MAGEB2: variants seen among roughly 807,000 people sequenced by gnomAD.
MAGEB2 encodes the protein MAGE family member B2, also known as melanoma-associated antigen B2.
For missense variants in MAGEB2, 365 were observed against 243.2 expected, an observed-to-expected ratio of 1.50 and a Z score of -3.33; for synonymous variants, 107 against 96.2, an observed-to-expected ratio of 1.11 and a Z score of -0.66.
At chrX:30,215,936 CCTACCCTTAACAAAG>C (rs757436089) in intron 1 of MAGEB2, among the ~76,000 whole-genome samples, 144 of 111,367 alleles carry the variant, frequency 1.3e-3, no homozygotes, top group Middle Eastern at 4.6e-3. Flanking sequence ...GAGAACATCT[CCTACCCTTAACAAAG>C]GTGGCCTCAC....
intron 1 of MAGEB2, among the ~76,000 whole-genome samples, chrX:30,216,060 C>T (rs1013648795): frequency 4.0e-4 from 44 of 110,376 alleles, no homozygotes; most frequent in Non-Finnish European, 6.6e-4. Flanking sequence ...AGCAGCCCTG[C>T]TTCTGCTCAT....
Position 30,215,594 on chromosome X carries a change from G to C in MAGEB2, c.-67G>C, listed in dbSNP as rs1024219145. 2.7e-5 allele frequency: 3 copies of C among 110,984 alleles called. No homozygotes were observed. The highest frequency in any genetic ancestry group is 5.7e-5 in the Non-Finnish European group (3 of 52,934). 9.1% of individuals were successfully genotyped at this position (110,984 alleles called of 1,213,427 possible). A position where few individuals can be genotyped will look rare whatever the true frequency, so the allele number is the denominator to read the frequency against. ...GCTTTGGAGGCGAGGACCCGAGCGA[G>C]TGTAGGGGGTGCGGCGTCTGGTCAG... On this transcript the variant is annotated 5_prime_UTR_variant, in exon 1 of 2. Coordinates refer to ENST00000378988, the MANE Select transcript of MAGEB2 (RefSeq NM_002364.5).
In MAGEB2 at chrX:30,219,169, G is replaced by C. The variant is rs184471774; in HGVS notation, c.589G>C (p.Asp197His). The C allele has an allele frequency of 1.1e-5, 13 of 1,208,653 alleles. No individual in the cohort carries two copies. The Admixed American group carries it at 2.0e-4, about 18-fold the overall frequency. ...TGAGGAATCCCTGCTCAGTTCCTGG[G>C]ACTTTCCCAGGAGAAAGCTTCTGAT... ...TDEESLLSSW[D>H]FPRRKLLMPL... Residue 197 changes from aspartate (D) to histidine (H), a missense_variant, in exon 2 of 2, where the codon GAC becomes CAC. Physicochemically the swap from Asp to His is moderately conservative, Grantham distance 81 (BLOSUM62 -1). Coordinates refer to ENST00000378988, the MANE Select transcript of MAGEB2 (RefSeq NM_002364.5).
intron 1 of MAGEB2, among the ~76,000 whole-genome samples, chrX:30,216,514 A>G (rs1014174380): frequency 9.0e-6 from 1 of 111,426 alleles, no homozygotes; most frequent in African/African-American, 3.3e-5. Context: ...CAGACCAGGG[A>G]GACCTGAGCA....
In MAGEB2 at chrX:30,219,038, T is replaced by C; in HGVS notation, c.458T>C (p.Leu153Pro). 1 of 1,211,252 alleles carries C rather than the reference T, an allele frequency of 8.3e-7. No homozygotes were observed. The highest frequency in any genetic ancestry group is 2.2e-5 in the Admixed American group (1 of 46,037). The stretch of plus-strand genomic sequence containing the variant: ...TTCAGGGAGCACTTCCCTGAGATCC[T>C]CAAGAAAGCCTCTGAGGGCCTCAGT... ...KRFREHFPEI[L>P]KKASEGLSVV... Residue 153 changes from leucine (L) to proline (P), a missense_variant, in exon 2 of 2, where the codon CTC (leucine) becomes CCC (proline). By Grantham distance (98) the Leu-to-Pro change is moderately conservative (BLOSUM62 -3). Transcript: ENST00000378988.
At position 30,219,156 on chromosome X, in the gene MAGEB2, G is replaced by A. The variant is rs1165957200; in HGVS notation, c.576G>A (p.Leu192=). 4 of 1,210,790 alleles carry A rather than the reference G, an allele frequency of 3.3e-6. No individual in the cohort carries two copies. In the South Asian group the frequency reaches 7.1e-5, roughly 21 times the overall value. The change falls in exon 2 of 2, where the codon CTG becomes CTA. Residue 192 remains leucine, a synonymous_variant. Coordinates refer to ENST00000378988, the MANE Select transcript of MAGEB2 (RefSeq NM_002364.5). ...DKVDLTDEES[L]LSSWDFPRRK... ...TAGACCTCACTGATGAGGAATCCCT[G>A]CTCAGTTCCTGGGACTTTCCCAGGA...
At position 30,219,187 on chromosome X, in the gene MAGEB2, C is replaced by T. The variant is rs1430396016; in HGVS notation, c.607C>T (p.Leu203Phe). ...TTCCTGGGACTTTCCCAGGAGAAAG[C>T]TTCTGATGCCTCTCCTGGGTGTGAT... ...LSSWDFPRRKLLMPLLGVIFL... is the reference protein window; with the variant it reads ...LSSWDFPRRKFLMPLLGVIFL... The change falls in exon 2 of 2, where the codon CTT (leucine) becomes TTT (phenylalanine). Residue 203 changes from leucine to phenylalanine, a missense_variant. Coordinates refer to ENST00000378988, the MANE Select transcript of MAGEB2 (RefSeq NM_002364.5). 3 of 1,210,284 alleles carry T rather than the reference C, an allele frequency of 2.5e-6. No individual in the cohort carries two copies. The highest frequency in any genetic ancestry group is 3.4e-6 in the Non-Finnish European group (3 of 894,597).
chrX:30,218,614 C>T lies in MAGEB2; in HGVS notation c.34C>T (p.Arg12Cys), dbSNP rs373920316. 4.8e-5 allele frequency: 58 copies of T among 1,208,851 alleles called. No individual in the cohort carries two copies. The highest frequency in any genetic ancestry group is 2.3e-4 in the Middle Eastern group (1 of 4,327). Residue 12 changes from arginine (R) to cysteine (C), a missense_variant, in exon 2 of 2, where the codon CGT becomes TGT. By Grantham distance (180) the Arg-to-Cys change is radical (BLOSUM62 -3). Coordinates refer to ENST00000378988, the MANE Select transcript of MAGEB2 (RefSeq NM_002364.5). ...PRGQKSKLRA[R>C]EKRRKARDET... Reference sequence around the variant, plus strand: ...TGGTCAGAAGAGTAAGCTCCGTGCCCGTGAGAAACGCCGCAAGGCCCGAGA... The same window carrying T: ...TGGTCAGAAGAGTAAGCTCCGTGCCTGTGAGAAACGCCGCAAGGCCCGAGA...
rs965726071 is a variant in MAGEB2, at chrX:30,219,633, T to G, written c.*93T>G. On this transcript the variant is annotated 3_prime_UTR_variant, in exon 2 of 2. Transcript: ENST00000378988. The stretch of plus-strand genomic sequence containing the variant: ...GCTGTTCTCACCCCCAATGAGGTCT[T>G]AGGCAGATTCTTTACTTTGTAATTC... 3 of 809,717 alleles carry G rather than the reference T, an allele frequency of 3.7e-6. No individual in the cohort carries two copies. In the East Asian group the frequency reaches 9.6e-5, roughly 26 times the overall value. 66.7% of individuals were successfully genotyped at this position (809,717 alleles called of 1,213,427 possible). A position where few individuals can be genotyped will look rare whatever the true frequency, so the allele number is the denominator to read the frequency against.
chrX:30,219,127 A>G lies in MAGEB2; in HGVS notation c.547A>G (p.Lys183Glu). ...CGGCCACACTTACACCTTCATCGAC[A>G]AGGTAGACCTCACTGATGAGGAATC... Reference protein sequence around the residue: ...PNGHTYTFIDKVDLTDEESLL... With the variant: ...PNGHTYTFIDEVDLTDEESLL... Residue 183 changes from lysine to glutamate, a missense_variant, in exon 2 of 2, where the codon AAG (lysine) becomes GAG (glutamate). By Grantham distance (56) the Lys-to-Glu change is moderately conservative (BLOSUM62 1). Transcript: ENST00000378988. The G allele has an allele frequency of 1.3e-5, 16 of 1,210,745 alleles. No individual in the cohort carries two copies. The highest frequency in any genetic ancestry group is 1.8e-5 in the Non-Finnish European group (16 of 894,957).
In MAGEB2 at chrX:30,219,278, A is replaced by G; in HGVS notation, c.698A>G (p.Tyr233Cys). The G allele has an allele frequency of 1.7e-6, 2 of 1,211,726 alleles. No homozygotes were observed. Among genetic ancestry groups the G allele is most frequent in the Non-Finnish European group, 2.2e-6 (2 of 895,461 alleles). Reference protein sequence around the residue: ...IWEFLNMLGVYDGEEHSVFGE... With the variant: ...IWEFLNMLGVCDGEEHSVFGE... ...GAATTCCTGAATATGTTGGGAGTCT[A>G]TGATGGAGAGGAGCACTCAGTCTTT... The change falls in exon 2 of 2, where the codon TAT (tyrosine) becomes TGT (cysteine). Residue 233 changes from tyrosine to cysteine, a missense_variant. Physicochemically the swap from Tyr to Cys is radical, Grantham distance 194 (BLOSUM62 -2). Coordinates refer to ENST00000378988, the MANE Select transcript of MAGEB2 (RefSeq NM_002364.5).
rs191526571 is a variant in MAGEB2, at chrX:30,220,002, C to A, written c.*462C>A. 2.7e-3 allele frequency: 335 copies of A among 124,728 alleles called. 2 individuals are homozygous for A. The highest frequency in any genetic ancestry group is 4.2e-3 in the East Asian group (15 of 3,598). The allele number at this position is 124,728 out of a possible 1,213,427, so 10.3% of individuals were successfully genotyped here. On this transcript the variant is annotated 3_prime_UTR_variant, in exon 2 of 2. Transcript: ENST00000378988. ...AAAGTGGTCAATTCTTGGTTTACTT[C>A]ATTTAATCTTTCTTTTCATAAAGAT... is the stretch of plus-strand genomic sequence containing the variant.
intron 1 of MAGEB2, among the ~76,000 whole-genome samples, chrX:30,216,901 A>AAAAAAAAAAAAAAAC (rs1352987941): frequency 9.3e-6 from 1 of 107,019 alleles, no homozygotes. Flanking sequence ...AAAAAAAAAA[A>AAAAAAAAAAAAAAAC]AAAGGCAGCT....
intron 1 of MAGEB2, among the ~76,000 whole-genome samples, chrX:30,218,167 G>A (rs1924450219): frequency 8.9e-6 from 1 of 112,063 alleles, no homozygotes; most frequent in Non-Finnish European, 1.9e-5. Context: ...GGTGCTTTGA[G>A]GTGTCAAATT....
chrX:30,218,708 C>A lies in MAGEB2; in HGVS notation c.128C>A (p.Ser43Tyr), dbSNP rs748255078. The change falls in exon 2 of 2, where the codon TCT becomes TAT. Residue 43 changes from serine (S) to tyrosine (Y), a missense_variant. Coordinates refer to ENST00000378988, the MANE Select transcript of MAGEB2 (RefSeq NM_002364.5). ...AEEEEAPCCS[S>Y]SVSGGAASSS... ...GAAGAAGAGGCCCCCTGCTGTTCCT[C>A]TTCTGTTTCTGGGGGTGCTGCTTCA... 3 of 1,201,915 alleles carry A rather than the reference C, an allele frequency of 2.5e-6. No homozygotes were observed. The highest frequency in any genetic ancestry group is 2.2e-5 in the Admixed American group (1 of 44,963).
intron 1 of MAGEB2, among the ~76,000 whole-genome samples, chrX:30,217,570 C>T (rs905997474): frequency 8.9e-6 from 1 of 112,163 alleles, no homozygotes; most frequent in African/African-American, 3.2e-5. Flanking sequence ...AATCTTAGAC[C>T]CTCTCATGAG....
chrX:30,219,203 T>C lies in MAGEB2; in HGVS notation c.623T>C (p.Leu208Pro). 2 of 1,210,713 alleles carry C rather than the reference T, an allele frequency of 1.7e-6. No individual in the cohort carries two copies. Among genetic ancestry groups the C allele is most frequent in the South Asian group, 3.5e-5 (2 of 56,815 alleles). The change falls in exon 2 of 2, where the codon CTG becomes CCG. Residue 208 changes from leucine to proline, a missense_variant. Leu to Pro is a moderately conservative substitution (Grantham distance 98). Coordinates refer to ENST00000378988, the MANE Select transcript of MAGEB2 (RefSeq NM_002364.5). ...FPRRKLLMPL[L>P]GVIFLNGNSA... ...AGGAGAAAGCTTCTGATGCCTCTCC[T>C]GGGTGTGATCTTCTTAAATGGCAAC...
At position 30,219,028 on chromosome X, in the gene MAGEB2, C is replaced by G; in HGVS notation, c.448C>G (p.Pro150Ala). The change falls in exon 2 of 2, where the codon CCT becomes GCT. Residue 150 changes from proline (P) to alanine (A), a missense_variant. Coordinates refer to ENST00000378988, the MANE Select transcript of MAGEB2 (RefSeq NM_002364.5). ...IVGKRFREHF[P>A]EILKKASEGL... ...TGGCAAAAGGTTCAGGGAGCACTTC[C>G]CTGAGATCCTCAAGAAAGCCTCTGA... 2 of 1,210,961 alleles carry G rather than the reference C, an allele frequency of 1.7e-6. No homozygotes were observed. The highest frequency in any genetic ancestry group is 2.2e-6 in the Non-Finnish European group (2 of 895,158).
At chrX:30,218,119 G>GA (rs5901945) in intron 1 of MAGEB2, among the ~76,000 whole-genome samples, 45,267 of 110,627 alleles carry the variant, frequency 0.41, 7,318 homozygotes, top group African/African-American at 0.54. Context: ...CAGGGTGGTG[G>GA]TTGAGGCACC....
Sources: allele counts gnomAD v4.1 joint callset (sites outside exome capture counted in the v4.1 genomes callset), GRCh38; gene constraint gnomAD v4.1.1; transcripts MANE v1.5; gene names NCBI Gene and HGNC (gene_info 2026-07-23, HGNC 2026-07-21).